The following SNIP1 variants were observed in gnomAD, a reference collection of about 807,000 sequenced individuals.
SNIP1 encodes the protein smad nuclear-interacting protein 1.
In SNIP1, 23 loss-of-function variants were observed where a neutral mutation model predicts 37.4. The ratio of observed to expected loss-of-function variants is 0.61; its 90% CI spans 0.44 to 0.87. SNIP1 has a LOEUF of 0.87. SNIP1 is among the 40% of genes least tolerant of loss of function. The pLI is 0.00. For synonymous variants in SNIP1, 174 were observed against 200.0 expected, an observed-to-expected ratio of 0.87 and a Z score of 1.10; for missense variants, 459 against 540.4, an observed-to-expected ratio of 0.85 and a Z score of 1.49.
At position 37,537,692 on chromosome 1, in the gene SNIP1, C is replaced by A; in HGVS notation, c.*56G>T. On this transcript the variant is annotated 3_prime_UTR_variant, in exon 4 of 4. Transcript: ENST00000296215. ...CCCACCACCATAGTGCTCTCTGAGT[C>A]AATCAAAGACTTCCAAGAAGGAAAC... 1 of 1,566,906 alleles carries A rather than the reference C, an allele frequency of 6.4e-7. No individual in the cohort carries two copies. The highest frequency in any genetic ancestry group is 1.2e-5 in the South Asian group (1 of 81,938).
intron 2 of SNIP1, among the ~76,000 whole-genome samples, chr1:37,543,592 T>A (rs757574696): frequency 7.9e-5 from 12 of 152,110 alleles, no homozygotes; most frequent in Non-Finnish European, 1.8e-4. Flanking sequence ...GACCACATAT[T>A]TCTATATATA....
rs1422988072 is a variant in SNIP1, at chr1:37,540,652, C to T, written c.431G>A (p.Arg144Gln). Reference protein sequence around the residue: ...RARNSDRDRHRGHSHQRRTSN... With the variant: ...RARNSDRDRHQGHSHQRRTSN... Reference sequence around the variant, plus strand: ...CGTTCTCCTTTGGTGGGAATGGCCCCGGTGTCTGTCCCGGTCACTGTTCCT... The same window carrying T: ...CGTTCTCCTTTGGTGGGAATGGCCCTGGTGTCTGTCCCGGTCACTGTTCCT... Residue 144 changes from arginine (R) to glutamine (Q), a missense_variant, in exon 3 of 4, where the codon CGG becomes CAG. Arg to Gln is a conservative substitution (Grantham distance 43). Coordinates refer to ENST00000296215, the MANE Select transcript of SNIP1 (RefSeq NM_024700.4). The surrounding 1 kb of genome is among the most constrained non-coding windows in gnomAD (Gnocchi z 5.6). 1.4e-5 allele frequency: 22 copies of T among 1,614,022 alleles called. No individual in the cohort carries two copies. The highest frequency in any genetic ancestry group is 6.7e-5 in the Admixed American group (4 of 59,992).
intron 2 of SNIP1, chr1:37,552,412 C>A: frequency 2.0e-6 from 1 of 492,096 alleles, no homozygotes. Context: ...TTATTTCTGA[C>A]AACTGCATGT....
rs182738752 is a variant in SNIP1 at position 37,536,893 on chromosome 1, C to A, written c.*855G>T. 6.6e-6 allele frequency: 1 copy of A among 152,076 alleles called. No individual in the cohort carries two copies. Among genetic ancestry groups the A allele is most frequent in the African/African-American group, 2.4e-5 (1 of 41,426 alleles). The allele number at this position is 152,076 out of a possible 1,614,324, so 9.4% of individuals were successfully genotyped here. On this transcript the variant is annotated 3_prime_UTR_variant, in exon 4 of 4. Coordinates refer to ENST00000296215, the MANE Select transcript of SNIP1 (RefSeq NM_024700.4). ...ACATGTTATTAGAATAAAGAAAGAACGCTGTCACATCAGTGACAGTTTATT... is the reference window on the plus strand; with the variant it reads ...ACATGTTATTAGAATAAAGAAAGAAAGCTGTCACATCAGTGACAGTTTATT...
chr1:37,540,356 C>T lies in SNIP1; in HGVS notation c.727G>A (p.Val243Ile). The change falls in exon 3 of 4, where the codon GTC becomes ATC. Residue 243 changes from valine to isoleucine, a missense_variant. Physicochemically the swap from Val to Ile is conservative, Grantham distance 29. Transcript: ENST00000296215. This position sits in a 1 kb window ranked among gnomAD's most constrained non-coding sequence, Gnocchi z 5.6. ...LEDTNTFRGVVIKYSEPPEAR... is the reference protein window; with the variant it reads ...LEDTNTFRGVIIKYSEPPEAR... ...TCTGGGGGCTCACTATATTTAATGACTACACCCCGGAAAGTGTTGGTGTCC... is the reference window on the plus strand; with the variant it reads ...TCTGGGGGCTCACTATATTTAATGATTACACCCCGGAAAGTGTTGGTGTCC... 4 of 1,614,138 alleles carry T rather than the reference C, an allele frequency of 2.5e-6. No individual in the cohort carries two copies. The highest frequency in any genetic ancestry group is 2.5e-6 in the Non-Finnish European group (3 of 1,180,032).
At chr1:37,545,547 G>A (rs1032337485) in intron 2 of SNIP1, among the ~76,000 whole-genome samples, 18 of 147,142 alleles carry the variant, frequency 1.2e-4, no homozygotes, top group Admixed American at 6.2e-4. Flanking sequence ...AGATAATTAA[G>A]GTTAAAAATT....
At position 37,535,462 on chromosome 1, in the gene SNIP1, G is replaced by A. The variant is rs902464624; in HGVS notation, c.*2286C>T. ...CATAAAGAATTTCTTAATCCAGGAC[G>A]TTATTCCTCTACTAAAATAAAAACT... On this transcript the variant is annotated 3_prime_UTR_variant, in exon 4 of 4. Coordinates refer to ENST00000296215, the MANE Select transcript of SNIP1 (RefSeq NM_024700.4). 2 of 151,772 alleles carry A rather than the reference G, an allele frequency of 1.3e-5. No homozygotes were observed. Among genetic ancestry groups the A allele is most frequent in the African/African-American group, 2.4e-5 (1 of 41,250 alleles). The allele number at this position is 151,772 out of a possible 1,614,324, so 9.4% of individuals were successfully genotyped here.
intron 2 of SNIP1, chr1:37,545,390 ATAAGT>A: frequency 2.2e-6 from 1 of 460,234 alleles, no homozygotes; most frequent in Non-Finnish European, 4.2e-6. Flanking sequence ...TACCTTTTCT[ATAAGT>A]TGTACCAAAA....
rs1643114952 is a variant in SNIP1 at position 37,537,673 on chromosome 1, A to ACCATAGTGCTCTCTGAG, written c.*58_*74dup. 1 of 1,517,618 alleles carries ACCATAGTGCTCTCTGAG rather than the reference A, an allele frequency of 6.6e-7. No individual in the cohort carries two copies. The highest frequency in any genetic ancestry group is 1.9e-5 in the Admixed American group (1 of 52,740). The allele number at this position is 1,517,618 out of a possible 1,614,324, so 94.0% of individuals were successfully genotyped here. On this transcript the variant is annotated 3_prime_UTR_variant, in exon 4 of 4. Transcript: ENST00000296215. ...AGAGCACCATAGTGCTGGACCCACCACCATAGTGCTCTCTGAGTCAATCAA... is the reference window on the plus strand; with the variant it reads ...AGAGCACCATAGTGCTGGACCCACCACCATAGTGCTCTCTGAGCCATAGTGCTCTCTGAGTCAATCAA...
At chr1:37,541,290 A>T (rs1643171518) in intron 2 of SNIP1, 1 of 152,284 alleles carries the variant, frequency 6.6e-6, no homozygotes, top group South Asian at 2.1e-4. Context: ...AATCTGTAAA[A>T]ATTCATTAAA....
intron 2 of SNIP1, chr1:37,541,520 G>C (rs12035095): frequency 0.21 from 31,333 of 152,102 alleles, 3,690 homozygotes; most frequent in East Asian, 0.33. Context: ...AAATTAGCCA[G>C]GTGTGGTGGC....
intron 3 of SNIP1, among the ~76,000 whole-genome samples, chr1:37,538,233 G>A (rs957832124): frequency 1.3e-5 from 2 of 152,150 alleles, no homozygotes; most frequent in Admixed American, 1.3e-4. Flanking sequence ...AATGGACCGG[G>A]CGCGGTGGCT....
At chr1:37,547,431 T>G (rs577569154) in intron 2 of SNIP1, among the ~76,000 whole-genome samples, 40 of 152,326 alleles carry the variant, frequency 2.6e-4, no homozygotes, top group East Asian at 1.7e-3. Flanking sequence ...ATCAATACAT[T>G]TGTTTCGAAA....
rs1277477443 is a variant in SNIP1, at chr1:37,540,792, G to A, written c.328-37C>T. 1 of 1,532,836 alleles carries A rather than the reference G, an allele frequency of 6.5e-7. No individual in the cohort carries two copies. Among genetic ancestry groups the A allele is most frequent in the South Asian group, 1.2e-5 (1 of 81,410 alleles). The allele number at this position is 1,532,836 out of a possible 1,614,324, so 95.0% of individuals were successfully genotyped here. A position where few individuals can be genotyped will look rare whatever the true frequency, so the allele number is the denominator to read the frequency against. On this transcript the variant is annotated intron_variant, in intron 2 of 3. Coordinates refer to ENST00000296215, the MANE Select transcript of SNIP1 (RefSeq NM_024700.4). This position sits in a 1 kb window ranked among gnomAD's most constrained non-coding sequence, Gnocchi z 5.6. ...ACAGATTCTGTAATTTAAACGCAGT[G>A]CACAATCTAAAGGCAGCCCAAATCT...
intron 2 of SNIP1, among the ~76,000 whole-genome samples, chr1:37,546,307 C>A (rs773847808): frequency 3.5e-4 from 53 of 152,152 alleles, no homozygotes; most frequent in Non-Finnish European, 6.0e-4. Flanking sequence ...TACAAGCTTG[C>A]CACTGCTATC....
chr1:37,541,809 T>A (rs1389270185), intron 2 of SNIP1, among the ~76,000 whole-genome samples: 4 of 152,176 alleles, frequency 2.6e-5, no homozygotes, highest in Non-Finnish European at 5.9e-5. Flanking sequence ...TGCAACACAT[T>A]TCTGTTCATG....
chr1:37,535,241 A>ATATATATATATATATATAT lies in SNIP1; in HGVS notation c.*2506_*2507insATATATATATATATATATA, dbSNP rs1643076458. 6.8e-5 allele frequency: 1 copy of ATATATATATATATATATAT among 14,764 alleles called. No homozygotes were observed. The highest frequency in any genetic ancestry group is 2.7e-3 in the South Asian group (1 of 374). 0.9% of individuals were successfully genotyped at this position (14,764 alleles called of 1,614,324 possible). A position where few individuals can be genotyped will look rare whatever the true frequency, so the allele number is the denominator to read the frequency against. ...ATAAAAAATAAAAATTATATATATA[A>ATATATATATATATATATAT]ATTAGCCAGGCTTGGTGACAGGTGC... is the stretch of plus-strand genomic sequence containing the variant. On this transcript the variant is annotated 3_prime_UTR_variant, in exon 4 of 4. Coordinates refer to ENST00000296215, the MANE Select transcript of SNIP1 (RefSeq NM_024700.4).
chr1:37,554,089 G>A lies in SNIP1; in HGVS notation c.141C>T (p.Asp47=). Residue 47 remains aspartate (D), a synonymous_variant, in exon 1 of 4, where the codon GAC becomes GAT. Coordinates refer to ENST00000296215, the MANE Select transcript of SNIP1 (RefSeq NM_024700.4). ...EVAPPAHRRP[D]HSGGSPSPPT... is the part of the protein sequence containing the mutation. ...GCGGAGACGGGCTACCACCGGAGTGGTCCGGACGGCGGTGGGCGGGAGGTG... is the reference window on the plus strand; with the variant it reads ...GCGGAGACGGGCTACCACCGGAGTGATCCGGACGGCGGTGGGCGGGAGGTG... 1 of 1,609,398 alleles carries A rather than the reference G, an allele frequency of 6.2e-7. No individual in the cohort carries two copies. Among genetic ancestry groups the A allele is most frequent in the Non-Finnish European group, 8.5e-7 (1 of 1,178,472 alleles).
chr1:37,554,036 T>G lies in SNIP1; in HGVS notation c.194A>C (p.His65Pro). ...AACTCCTCGGGCTCGGTTCCCGCGG[T>G]GGCCCGAGCGGGCCGGCTCGCTGGT... Reference protein sequence around the residue: ...PPTSEPARSGHRGNRARGVSR... With the variant: ...PPTSEPARSGPRGNRARGVSR... Residue 65 changes from histidine to proline, a missense_variant, in exon 1 of 4, where the codon CAC becomes CCC. By Grantham distance (77) the His-to-Pro change is moderately conservative. Coordinates refer to ENST00000296215, the MANE Select transcript of SNIP1 (RefSeq NM_024700.4). The G allele has an allele frequency of 6.3e-7, 1 of 1,580,350 alleles. No individual in the cohort carries two copies. Among genetic ancestry groups the G allele is most frequent in the Non-Finnish European group, 8.6e-7 (1 of 1,163,604 alleles).
Sources: allele counts gnomAD v4.1 joint callset (sites outside exome capture counted in the v4.1 genomes callset), GRCh38; gene constraint gnomAD v4.1.1; non-coding constraint Gnocchi (gnomAD v3.1); transcripts MANE v1.5; gene names NCBI Gene and HGNC (gene_info 2026-07-23, HGNC 2026-07-21).